EIF4G3: variants seen among roughly 807,000 people sequenced by gnomAD.
The protein encoded by EIF4G3 is eukaryotic translation initiation factor 4 gamma 3, also known as eIF-4-gamma 3.
In EIF4G3, 34 loss-of-function variants were observed where a neutral mutation model predicts 186.4. That is an observed-to-expected ratio of 0.18 (90% confidence interval 0.14 to 0.24). The LOEUF (loss-of-function observed/expected upper bound fraction) is 0.24, where lower values mean the gene tolerates loss of function less well. Among genes scored for constraint, EIF4G3 ranks in the 10% least tolerant of loss-of-function variants. EIF4G3 has a pLI of 1.00. For missense variants in EIF4G3, 1,536 were observed against 1,948.5 expected, an observed-to-expected ratio of 0.79 and a Z score of 3.99; for synonymous variants, 673 against 679.5, an observed-to-expected ratio of 0.99 and a Z score of 0.15.
intron 3 of EIF4G3, among the ~76,000 whole-genome samples, chr1:21,053,983 T>C (rs2094439095): frequency 6.6e-6 from 1 of 152,082 alleles, no homozygotes; most frequent in Non-Finnish European, 1.5e-5. Context: ...CAACAGCTCA[T>C]TGAGAACGGG....
chr1:21,043,824 A>G (rs2093710116), intron 4 of EIF4G3, among the ~76,000 whole-genome samples: 1 of 151,400 alleles, frequency 6.6e-6, no homozygotes, highest in Non-Finnish European at 1.5e-5. Flanking sequence ...CAGTGAGCAG[A>G]AAACACACTG....
intron 3 of EIF4G3, among the ~76,000 whole-genome samples, chr1:21,051,450 T>C (rs186307446): frequency 5.9e-5 from 9 of 152,296 alleles, no homozygotes; most frequent in East Asian, 3.9e-4. Context: ...TCAAGACTTA[T>C]GGACGTATAC....
chr1:20,860,104 CT>C (rs2076000327), intron 24 of EIF4G3, among the ~76,000 whole-genome samples: 1 of 152,216 alleles, frequency 6.6e-6, no homozygotes, highest in Non-Finnish European at 1.5e-5. Flanking sequence ...ACATTTTCCA[CT>C]TCCTTTTCTC....
intron 3 of EIF4G3, among the ~76,000 whole-genome samples, chr1:21,074,934 G>T (rs1166017759): frequency 6.6e-6 from 1 of 152,098 alleles, no homozygotes; most frequent in African/African-American, 2.4e-5. Context: ...ATTCGCCGGG[G>T]TGGTTACCGT....
At chr1:21,058,160 G>T (rs1239022017) in intron 3 of EIF4G3, among the ~76,000 whole-genome samples, 2 of 152,048 alleles carry the variant, frequency 1.3e-5, no homozygotes, top group Middle Eastern at 3.2e-3. Context: ...ATTCTTACAT[G>T]ACTCCAGAGC....
chr1:20,843,859 A>G (rs932901203), intron 29 of EIF4G3, among the ~76,000 whole-genome samples: 3 of 152,104 alleles, frequency 2.0e-5, no homozygotes, highest in Non-Finnish European at 4.4e-5. Context: ...CTACGTGTCC[A>G]TGTGTTCTCA....
rs541279128 is a variant in EIF4G3, at chr1:20,855,503, C to T, written c.3340-432G>A. 5.3e-5 allele frequency among the ~76,000 whole-genome samples: 8 copies of T among 152,200 alleles called. No individual in the cohort carries two copies. In the South Asian group the frequency reaches 1.7e-3, roughly 32 times the overall value. ...ATAAAAATTTCATGTTGGCTAGAGA[C>T]AGGCAGTGGGATGTGAGTATTCAAT... On this transcript the variant is annotated intron_variant, in intron 25 of 36. Coordinates refer to ENST00000602326, the MANE Select transcript of EIF4G3 (RefSeq NM_001391906.1).
At position 20,826,523 on chromosome 1, in the gene EIF4G3, C is replaced by A. The variant is rs191160759; in HGVS notation, c.4269+1094G>T. 7.1e-4 allele frequency among the ~76,000 whole-genome samples: 73 copies of A among 102,846 alleles called. 1 individual carries two copies. Among genetic ancestry groups the A allele is most frequent in the African/African-American group, 2.8e-3 (73 of 26,332 alleles). The allele number at this position is 102,846 out of a possible 152,430, so 67.5% of individuals were successfully genotyped here. ...TTTTTTTTTTTGAGACAGAGTCTTGCTCTGTTGCCAGGCTGGAGCGCAGTG... is the reference window on the plus strand; with the variant it reads ...TTTTTTTTTTTGAGACAGAGTCTTGATCTGTTGCCAGGCTGGAGCGCAGTG... On this transcript the variant is annotated intron_variant, in intron 32 of 36. Coordinates refer to ENST00000602326, the MANE Select transcript of EIF4G3 (RefSeq NM_001391906.1).
At chr1:21,142,024 A>C (rs1459044727) in intron 2 of EIF4G3, among the ~76,000 whole-genome samples, 2 of 152,152 alleles carry the variant, frequency 1.3e-5, no homozygotes, top group Non-Finnish European at 2.9e-5. Flanking sequence ...TTAGCGTGGC[A>C]CACTGGCATG....
chr1:20,830,348 T>C (rs2064796970), intron 30 of EIF4G3, among the ~76,000 whole-genome samples: 1 of 152,350 alleles, frequency 6.6e-6, no homozygotes, highest in South Asian at 2.1e-4. Context: ...AGCCATATTA[T>C]CTAACTCTGG....
chr1:21,086,850 GA>G (rs1223237217), intron 3 of EIF4G3, among the ~76,000 whole-genome samples: 2 of 150,650 alleles, frequency 1.3e-5, no homozygotes, highest in Non-Finnish European at 2.9e-5. Flanking sequence ...TGAGGCAGGA[GA>G]ATCACTTGAA....
At chr1:20,974,513 G>T (rs912562533) in intron 10 of EIF4G3, among the ~76,000 whole-genome samples, 4 of 152,150 alleles carry the variant, frequency 2.6e-5, no homozygotes, top group Non-Finnish European at 5.9e-5. Flanking sequence ...AAAGTTGTTT[G>T]GGCAGAGAGG....
chr1:21,018,106 TAA>T (rs77494925), intron 4 of EIF4G3, among the ~76,000 whole-genome samples: 1 of 141,580 alleles, frequency 7.1e-6, no homozygotes. Flanking sequence ...GCCCAGTAAT[TAA>T]AAAAAAAAAA....
chr1:20,865,039 C>T, intron 21 of EIF4G3, 77 bp downstream of exon 21: 1 of 1,522,856 alleles, frequency 6.6e-7, no homozygotes, highest in Non-Finnish European at 9.0e-7. Flanking sequence ...CAGGGAGATG[C>T]TGTATCTAGC....
At chr1:21,069,885 AT>A (rs1224597641) in intron 3 of EIF4G3, among the ~76,000 whole-genome samples, 2 of 151,974 alleles carry the variant, frequency 1.3e-5, no homozygotes, top group African/African-American at 4.8e-5. Flanking sequence ...TAAGAATGAG[AT>A]TTTTTTTGTT....
intron 3 of EIF4G3, among the ~76,000 whole-genome samples, chr1:21,082,759 C>A (rs2095828638): frequency 6.6e-6 from 1 of 151,966 alleles, no homozygotes; most frequent in African/African-American, 2.4e-5. Flanking sequence ...AAAAAATTGG[C>A]CGGGCGCGGT....
intron 12 of EIF4G3, among the ~76,000 whole-genome samples, chr1:20,957,586 CAAAA>C (rs1270257308): frequency 1.6e-4 from 23 of 142,370 alleles, no homozygotes; most frequent in Non-Finnish European, 3.1e-4. Context: ...AACAAACAAA[CAAAA>C]AAAGCATTAC....
chr1:21,055,864 T>C (rs1401915623), intron 3 of EIF4G3, among the ~76,000 whole-genome samples: 1 of 151,930 alleles, frequency 6.6e-6, no homozygotes. Flanking sequence ...ATCTGCAGAG[T>C]TGTAAAGACT....
intron 14 of EIF4G3, among the ~76,000 whole-genome samples, chr1:20,916,191 T>C (rs531251901): frequency 6.6e-6 from 1 of 152,062 alleles, no homozygotes; most frequent in South Asian, 2.1e-4. Context: ...AAGAATACTT[T>C]AAAAAATGCC....
Sources: gnomAD v4.1 joint callset for allele counts (sites outside exome capture counted in the v4.1 genomes callset) on GRCh38, gnomAD v4.1.1 for gene constraint, MANE v1.5 for transcripts, NCBI Gene and HGNC (gene_info 2026-07-23, HGNC 2026-07-21) for gene names.